CEP78: variants seen among roughly 807,000 people sequenced by gnomAD.
CEP78 encodes the protein centrosomal protein of 78 kDa.
In CEP78, 76 loss-of-function variants were observed where a neutral mutation model predicts 81.2. The ratio of observed to expected loss-of-function variants is 0.94; its 90% CI spans 0.78 to 1.13. The LOEUF (loss-of-function observed/expected upper bound fraction) is 1.13, where lower values mean the gene tolerates loss of function less well. Among genes scored for constraint, CEP78 ranks in the 50% most tolerant of loss-of-function variants. The probability of loss-of-function intolerance (pLI) is 0.00; values close to 1 mark genes in which losing one functional copy is unlikely to be tolerated. For synonymous variants in CEP78, 293 were observed against 301.4 expected (o/e 0.97, Z 0.29); for missense variants, 918 against 846.8 (o/e 1.08, Z -1.04).
intron 6 of CEP78, among the ~76,000 whole-genome samples, chr9:78,247,577 C>G (rs1826553554): frequency 6.6e-6 from 1 of 152,134 alleles, no homozygotes; most frequent in Admixed American, 6.5e-5. Flanking sequence ...TTAGATAATT[C>G]TAAATGAGCT....
At chr9:78,253,653 C>T (rs541707849) in intron 10 of CEP78, 1 of 163,392 alleles carries the variant, frequency 6.1e-6, no homozygotes, top group South Asian at 1.8e-4. Flanking sequence ...TATATATTTC[C>T]AGATTCTAAA....
intron 10 of CEP78, 23 bp downstream of exon 10, chr9:78,253,300 A>C: frequency 9.1e-7 from 1 of 1,103,710 alleles, no homozygotes. Context: ...CATGTTTATA[A>C]TATGTAGGGG....
chr9:78,266,927 A>G (rs570139628), intron 16 of CEP78: 13 of 1,427,938 alleles, frequency 9.1e-6, no homozygotes, highest in Non-Finnish European at 1.2e-5. Context: ...CCAGTCCACT[A>G]GAACATTCTG....
intron 11 of CEP78, 103 bp from the exon 12 acceptor site, chr9:78,262,803 CT>C: frequency 3.4e-6 from 2 of 593,176 alleles, no homozygotes; most frequent in Non-Finnish European, 5.8e-6. Flanking sequence ...TCTGAGTTCA[CT>C]TCTGGCTCTG....
At chr9:78,261,647 T>C (rs1827281147) in intron 11 of CEP78, among the ~76,000 whole-genome samples, 1 of 152,216 alleles carries the variant, frequency 6.6e-6, no homozygotes, top group Non-Finnish European at 1.5e-5. Flanking sequence ...TGTGCTTTGA[T>C]GTGATTTTTA....
At chr9:78,236,671 C>G in intron 1 of CEP78, 68 bp downstream of exon 1, 2 of 1,497,312 alleles carry the variant, frequency 1.3e-6, no homozygotes, top group South Asian at 1.4e-5. Context: ...TGAGTGGTGT[C>G]CATTGTCGGG....
At position 78,276,810 on chromosome 9, in the gene CEP78, C is replaced by T. The variant is rs954093685; in HGVS notation, c.*5959C>T. On this transcript the variant is annotated 3_prime_UTR_variant, in exon 17 of 17. Transcript: ENST00000643273. ...GAGGTATGCCATGTATAAGACCCAA[C>T]ATAATAAATAGTTCTACCAAATTAA... 6.6e-6 allele frequency: 1 copy of T among 152,114 alleles called. No individual in the cohort carries two copies. The highest frequency in any genetic ancestry group is 2.4e-5 in the African/African-American group (1 of 41,426). The allele number at this position is 152,114 out of a possible 1,614,324, so 9.4% of individuals were successfully genotyped here. A position where few individuals can be genotyped will look rare whatever the true frequency, so the allele number is the denominator to read the frequency against.
rs1827507569 is a variant in CEP78 at position 78,265,921 on chromosome 9, A to G, written c.1845+15A>G. On this transcript the variant is annotated intron_variant, in intron 15 of 16. Transcript: ENST00000643273. The stretch of plus-strand genomic sequence containing the variant: ...CACTAATGAAGGTACAAGTACTGAT[A>G]TAGATAATTTTTCAGAATAAGTAAT... 1.6e-6 allele frequency: 2 copies of G among 1,255,888 alleles called. No individual in the cohort carries two copies. The highest frequency in any genetic ancestry group is 3.0e-5 in the African/African-American group (2 of 67,366). The allele number at this position is 1,255,888 out of a possible 1,614,324, so 77.8% of individuals were successfully genotyped here.
At chr9:78,267,060 T>C (rs1318272431) in intron 16 of CEP78, 3 of 1,140,368 alleles carry the variant, frequency 2.6e-6, no homozygotes, top group African/African-American at 1.6e-5. Context: ...AATTTTCTTA[T>C]GTTTTTATTA....
At chr9:78,270,654 A>G (rs1219044596) in intron 16 of CEP78, among the ~76,000 whole-genome samples, 187 bp from the exon 17 acceptor site, 1 of 152,234 alleles carries the variant, frequency 6.6e-6, no homozygotes, top group Non-Finnish European at 1.5e-5. Context: ...ATCCAGTTCT[A>G]TATCCAATAA....
In CEP78 at chr9:78,248,798, T is replaced by C. The variant is rs1465796874; in HGVS notation, c.994T>C (p.Ser332Pro). ...AACTTCTCCATCAGTGAAGGAACCA[T>C]CCAAAACTGCTAAACAGAAAAGGAG... ...WITSPSVKEP[S>P]KTAKQKRRTI... is the part of the protein sequence containing the mutation. Residue 332 changes from serine (S) to proline (P), a missense_variant, in exon 8 of 17, where the codon TCC becomes CCC. Coordinates refer to ENST00000643273, the MANE Select transcript of CEP78 (RefSeq NM_001330691.3). 1.9e-6 allele frequency: 3 copies of C among 1,597,780 alleles called. No individual in the cohort carries two copies. The South Asian group carries it at 3.4e-5, about 18-fold the overall frequency.
chr9:78,262,626 T>G (rs1827325443), intron 11 of CEP78, among the ~76,000 whole-genome samples: 1 of 152,208 alleles, frequency 6.6e-6, no homozygotes. Context: ...AGCCTTAATT[T>G]TTATTTGACT....
chr9:78,252,136 T>A, intron 9 of CEP78, 93 bp downstream of exon 9: 1 of 1,147,208 alleles, frequency 8.7e-7, no homozygotes, highest in South Asian at 1.8e-5. Context: ...TCTCTGCTTA[T>A]GTCTGTAGGG....
intron 5 of CEP78, among the ~76,000 whole-genome samples, chr9:78,246,255 G>C (rs1826474108): frequency 6.6e-6 from 1 of 151,432 alleles, no homozygotes; most frequent in Non-Finnish European, 1.5e-5. Flanking sequence ...GAGTAGTCTT[G>C]GGCAGGAGTC....
chr9:78,237,926 A>C (rs1456309479), intron 1 of CEP78, among the ~76,000 whole-genome samples: 3 of 138,456 alleles, frequency 2.2e-5, no homozygotes, highest in Non-Finnish European at 3.0e-5. Context: ...GCTCACCAAC[A>C]TGGTGAAACC....
intron 6 of CEP78, among the ~76,000 whole-genome samples, chr9:78,247,315 G>A (rs146439951): frequency 2.7e-3 from 417 of 152,284 alleles, no homozygotes; most frequent in African/African-American, 9.8e-3. Flanking sequence ...CAGCTTCACT[G>A]AAAAAGGGAC....
At chr9:78,249,067 G>C (rs1826636186) in intron 8 of CEP78, 194 bp downstream of exon 8, 2 of 269,208 alleles carry the variant, frequency 7.4e-6, no homozygotes, top group Non-Finnish European at 1.4e-5. Flanking sequence ...TTAGGAAAGG[G>C]ATGCTAGTGC....
chr9:78,265,765 A>T, intron 14 of CEP78, 94 bp from the exon 15 acceptor site: 1 of 779,778 alleles, frequency 1.3e-6, no homozygotes, highest in Non-Finnish European at 2.1e-6. Context: ...TTATGATTTA[A>T]AGTAGACTAT....
chr9:78,279,076 A>AAAAAAG lies in CEP78; in HGVS notation c.*8229_*8230insAGAAAA. The AAAAAAG allele has an allele frequency of 6.6e-6, 1 of 151,986 alleles. No homozygotes were observed. Among genetic ancestry groups the AAAAAAG allele is most frequent in the Non-Finnish European group, 1.5e-5 (1 of 68,008 alleles). 9.4% of individuals were successfully genotyped at this position (151,986 alleles called of 1,614,324 possible). A position where few individuals can be genotyped will look rare whatever the true frequency, so the allele number is the denominator to read the frequency against. ...AAACCACTGTGAACTGAAAAAAAAA[A>AAAAAAG]AAAAGGCAACCTTGGTAGTTTAGAA... On this transcript the variant is annotated 3_prime_UTR_variant, in exon 17 of 17. Transcript: ENST00000643273.
Sources: allele counts gnomAD v4.1 joint callset (sites outside exome capture counted in the v4.1 genomes callset), GRCh38; gene constraint gnomAD v4.1.1; transcripts MANE v1.5; gene names NCBI Gene and HGNC (gene_info 2026-07-23, HGNC 2026-07-21).